The following UNC5C variants were observed in gnomAD, a reference collection of about 807,000 sequenced individuals.
The protein encoded by UNC5C is netrin receptor UNC5C.
Under a neutral mutation model 99.8 loss-of-function variants are expected in UNC5C, and 47 were observed. That is an observed-to-expected ratio of 0.47 (90% CI 0.37 to 0.60). The LOEUF (loss-of-function observed/expected upper bound fraction) is 0.60. Among genes scored for constraint, UNC5C ranks in the 20% least tolerant of loss-of-function variants. The probability of loss-of-function intolerance (pLI) is 0.00; values close to 1 mark genes in which losing one functional copy is unlikely to be tolerated. For missense variants in UNC5C, 1,062 were observed against 1,165.9 expected, an observed-to-expected ratio of 0.91 and a Z score of 1.30; for synonymous variants, 487 against 452.2, an observed-to-expected ratio of 1.08 and a Z score of -0.98.
At chr4:95,263,312 T>C (rs1740316032) in intron 4 of UNC5C, among the ~76,000 whole-genome samples, 1 of 152,204 alleles carries the variant, frequency 6.6e-6, no homozygotes, top group South Asian at 2.1e-4. Context: ...ATTTTTTAGA[T>C]ACCAACATAA....
At chr4:95,243,466 A>C (rs1046133054) in intron 6 of UNC5C, among the ~76,000 whole-genome samples, 2 of 152,212 alleles carry the variant, frequency 1.3e-5, no homozygotes, top group Non-Finnish European at 2.9e-5. Context: ...AATAGGATAA[A>C]AATATTGAAA....
intron 10 of UNC5C, among the ~76,000 whole-genome samples, chr4:95,214,241 A>G (rs1315498429): frequency 6.6e-6 from 1 of 152,184 alleles, no homozygotes; most frequent in African/African-American, 2.4e-5. Context: ...TGAAACTGTT[A>G]TCCTCCTGTG....
chr4:95,489,075 G>C (rs879918169), intron 1 of UNC5C, among the ~76,000 whole-genome samples: 1 of 147,570 alleles, frequency 6.8e-6, no homozygotes, highest in Non-Finnish European at 1.5e-5. Flanking sequence ...GGGAAGAGGG[G>C]AGGCAGGGAG....
chr4:95,228,618 G>T (rs984406262), intron 7 of UNC5C, among the ~76,000 whole-genome samples: 1 of 152,160 alleles, frequency 6.6e-6, no homozygotes, highest in Non-Finnish European at 1.5e-5. Context: ...CCAGCCCTCA[G>T]GCTACACCTC....
chr4:95,354,480 T>TATATATATATATATA (rs760696053), intron 1 of UNC5C, among the ~76,000 whole-genome samples: 32 of 105,586 alleles, frequency 3.0e-4, no homozygotes, highest in Non-Finnish European at 3.8e-4. Flanking sequence ...TATATATATA[T>TATATATATATATATA]TTTTTTTTTT....
At chr4:95,172,637 C>A (rs565052640) in intron 14 of UNC5C, among the ~76,000 whole-genome samples, 7 of 152,012 alleles carry the variant, frequency 4.6e-5, no homozygotes, top group Non-Finnish European at 8.8e-5. Flanking sequence ...GTTTTGGTTA[C>A]TGTAGCCTTG....
intron 1 of UNC5C, among the ~76,000 whole-genome samples, chr4:95,434,246 TC>T (rs1316467756): frequency 2.0e-5 from 3 of 152,108 alleles, no homozygotes; most frequent in African/African-American, 7.2e-5. Flanking sequence ...CATTACTTGT[TC>T]ATTCTACAAT....
At chr4:95,444,418 C>T (rs1209918470) in intron 1 of UNC5C, among the ~76,000 whole-genome samples, 1 of 151,882 alleles carries the variant, frequency 6.6e-6, no homozygotes, top group Admixed American at 6.6e-5. Flanking sequence ...GCAGGATCCG[C>T]CCCCCTGGCT....
Position 95,360,799 on chromosome 4 carries a change from A to T in UNC5C, c.125-25168T>A, listed in dbSNP as rs535745786. ...TTCTCCAAGGCCTCTGTTTTATTAAACCTCCAAAAAAGAAATTAGAATTGG... is the reference window on the plus strand; with the variant it reads ...TTCTCCAAGGCCTCTGTTTTATTAATCCTCCAAAAAAGAAATTAGAATTGG... On this transcript the variant is annotated intron_variant, in intron 1 of 15. Coordinates refer to ENST00000453304, the MANE Select transcript of UNC5C (RefSeq NM_003728.4). Among the ~76,000 whole-genome samples, 813 of 152,170 alleles carry T rather than the reference A, an allele frequency of 5.3e-3. 5 individuals are homozygous for T. Among genetic ancestry groups the T allele is most frequent in the African/African-American group, 0.018 (766 of 41,536 alleles).
At chr4:95,385,287 A>G (rs1343412018) in intron 1 of UNC5C, among the ~76,000 whole-genome samples, 4 of 152,206 alleles carry the variant, frequency 2.6e-5, no homozygotes, top group Non-Finnish European at 2.9e-5. Context: ...CTCGTAACCT[A>G]TAAAAATGGT....
intron 1 of UNC5C, among the ~76,000 whole-genome samples, chr4:95,410,612 T>C (rs1259814330): frequency 6.6e-6 from 1 of 152,158 alleles, no homozygotes; most frequent in Admixed American, 6.5e-5. Context: ...AGAGCCACTT[T>C]GTTAGTACTG....
At chr4:95,328,062 ATT>A (rs71583698) in intron 2 of UNC5C, among the ~76,000 whole-genome samples, 14,511 of 86,696 alleles carry the variant, frequency 0.17, 1,008 homozygotes, top group African/African-American at 0.21. Context: ...TTTTTTTTTA[ATT>A]TTTTTTTTTT....
At chr4:95,453,473 A>G (rs764466355) in intron 1 of UNC5C, among the ~76,000 whole-genome samples, 2 of 152,096 alleles carry the variant, frequency 1.3e-5, no homozygotes, top group Non-Finnish European at 1.5e-5. Flanking sequence ...AAGAAGAAGA[A>G]AAAGAAAAAA....
intron 1 of UNC5C, among the ~76,000 whole-genome samples, chr4:95,396,144 A>C (rs1745502065): frequency 6.6e-6 from 1 of 152,224 alleles, no homozygotes; most frequent in Non-Finnish European, 1.5e-5. Context: ...GTCTTTAGCA[A>C]CTTCAGAAGC....
chr4:95,411,694 CTCTTT>C (rs1254212136), intron 1 of UNC5C, among the ~76,000 whole-genome samples: 3 of 152,144 alleles, frequency 2.0e-5, no homozygotes, highest in East Asian at 1.9e-4. Flanking sequence ...GGATCGCAAT[CTCTTT>C]TCTTTGTAAA....
intron 1 of UNC5C, among the ~76,000 whole-genome samples, chr4:95,504,379 T>C (rs534747847): frequency 1.2e-3 from 176 of 152,274 alleles, no homozygotes; most frequent in African/African-American, 4.1e-3. Context: ...TTCAAATTCC[T>C]AGTTGTCCAT....
At chr4:95,299,055 A>C (rs1453820004) in intron 3 of UNC5C, among the ~76,000 whole-genome samples, 4 of 152,040 alleles carry the variant, frequency 2.6e-5, no homozygotes, top group African/African-American at 9.7e-5. Context: ...ACTACATCCC[A>C]TTCCCCCAAA....
chr4:95,309,350 A>G (rs957342743), intron 2 of UNC5C, among the ~76,000 whole-genome samples: 3 of 152,166 alleles, frequency 2.0e-5, no homozygotes, highest in African/African-American at 7.2e-5. Context: ...CATAGAGGAA[A>G]AGCTCCTTGA....
intron 1 of UNC5C, among the ~76,000 whole-genome samples, chr4:95,398,619 A>C (rs1197714777): frequency 6.6e-6 from 1 of 152,206 alleles, no homozygotes; most frequent in African/African-American, 2.4e-5. Flanking sequence ...TAGACAAAGC[A>C]ATGAAGATGT....
Sources: allele counts gnomAD v4.1 joint callset (sites outside exome capture counted in the v4.1 genomes callset), GRCh38; gene constraint gnomAD v4.1.1; transcripts MANE v1.5; gene names NCBI Gene and HGNC (gene_info 2026-07-23, HGNC 2026-07-21).